OR1I1: variants seen among roughly 807,000 people sequenced by gnomAD.
The protein encoded by OR1I1 is olfactory receptor family 1 subfamily I member 1.
For missense variants in OR1I1, 451 were observed against 443.6 expected (o/e 1.02, Z -0.15); for synonymous variants, 171 against 181.4 (o/e 0.94, Z 0.46).
At chr19:15,085,674 A>G (rs1380882466) in intron 1 of OR1I1, among the ~76,000 whole-genome samples, 1 of 151,942 alleles carries the variant, frequency 6.6e-6, no homozygotes, top group Non-Finnish European at 1.5e-5. Flanking sequence ...TCTTTGATCA[A>G]TATCTCCCTA....
Position 15,087,406 on chromosome 19 carries a change from T to C in OR1I1, c.341T>C (p.Leu114Pro). The C allele has an allele frequency of 2.5e-6, 4 of 1,614,184 alleles. No homozygotes were observed. The highest frequency in any genetic ancestry group is 3.4e-6 in the Non-Finnish European group (4 of 1,180,036). Residue 114 changes from leucine (L) to proline (P), a missense_variant, in exon 2 of 2, where the codon CTC becomes CCC. By Grantham distance (98) the Leu-to-Pro change is moderately conservative (BLOSUM62 -3). Transcript: ENST00000641398. ...CTGTTCGGGACCATGGACAGCTTTC[T>C]CCTGGCAGTAATGGCCATCGACCGC... ...FHLFGTMDSF[L>P]LAVMAIDRFV... is the part of the protein sequence containing the mutation.
In OR1I1 at chr19:15,091,888, T is replaced by A. The variant is rs2046258104; in HGVS notation, c.*3755T>A. Reference sequence around the variant, plus strand: ...TTTAAAAGTTTGAGCATCACTGGGCTAGATGGGGGTCCTGTAGATAACCGG... The same window carrying A: ...TTTAAAAGTTTGAGCATCACTGGGCAAGATGGGGGTCCTGTAGATAACCGG... On this transcript the variant is annotated 3_prime_UTR_variant, in exon 2 of 2. Coordinates refer to ENST00000641398, the MANE Select transcript of OR1I1 (RefSeq NM_001004713.2). The A allele has an allele frequency of 6.9e-6, 1 of 144,862 alleles. No individual in the cohort carries two copies. The highest frequency in any genetic ancestry group is 2.6e-5 in the African/African-American group (1 of 38,604). The allele number at this position is 144,862 out of a possible 1,614,324, so 9.0% of individuals were successfully genotyped here.
chr19:15,090,494 C>A lies in OR1I1; in HGVS notation c.*2361C>A, dbSNP rs1047515211. 1 of 151,990 alleles carries A rather than the reference C, an allele frequency of 6.6e-6. No individual in the cohort carries two copies. The highest frequency in any genetic ancestry group is 2.4e-5 in the African/African-American group (1 of 41,390). 9.4% of individuals were successfully genotyped at this position (151,990 alleles called of 1,614,324 possible). On this transcript the variant is annotated 3_prime_UTR_variant, in exon 2 of 2. Coordinates refer to ENST00000641398, the MANE Select transcript of OR1I1 (RefSeq NM_001004713.2). ...GGATTACAAGCGTGGGCCACTGCAC[C>A]TGGCCCAACACCTTGATCTCGGACT...
chr19:15,084,176 CT>C (rs1371071980), intron 1 of OR1I1, among the ~76,000 whole-genome samples: 47 of 152,204 alleles, frequency 3.1e-4, no homozygotes, highest in Non-Finnish European at 4.4e-5. Context: ...CTGAGTGCCC[CT>C]GGCAGCTCGC....
rs944385810 is a variant in OR1I1, at chr19:15,085,424, G to A, written c.-13-1629G>A. 3.3e-5 allele frequency among the ~76,000 whole-genome samples: 5 copies of A among 151,164 alleles called. No homozygotes were observed. The South Asian group carries it at 6.3e-4, about 19-fold the overall frequency. On this transcript the variant is annotated intron_variant, in intron 1 of 1. Coordinates refer to ENST00000641398, the MANE Select transcript of OR1I1 (RefSeq NM_001004713.2). ...TGACCTCAGGTGATCCCCCTGCCTC[G>A]GCCTCCCAAAGTGCTGGGATTATAA... is the stretch of plus-strand genomic sequence containing the variant.
chr19:15,092,678 GT>G lies in OR1I1; in HGVS notation c.*4549del, dbSNP rs2046262055. The G allele has an allele frequency of 2.6e-5, 4 of 152,210 alleles. No homozygotes were observed. The South Asian group carries it at 6.2e-4, about 24-fold the overall frequency. The allele number at this position is 152,210 out of a possible 1,614,324, so 9.4% of individuals were successfully genotyped here. ...GTCATACCTTGTAGCCTTTGGGTTT[GT>G]TTTCAACCACTTTTAAAATGTTAAA... On this transcript the variant is annotated 3_prime_UTR_variant, in exon 2 of 2. Coordinates refer to ENST00000641398, the MANE Select transcript of OR1I1 (RefSeq NM_001004713.2).
At position 15,091,325 on chromosome 19, in the gene OR1I1, A is replaced by C. The variant is rs1482725383; in HGVS notation, c.*3192A>C. ...CAGATCACAAGGTCAGTAGATCGAG[A>C]CCATCCTGACCAACATGGTGAAACC... On this transcript the variant is annotated 3_prime_UTR_variant, in exon 2 of 2. Transcript: ENST00000641398. 6.6e-6 allele frequency: 1 copy of C among 152,178 alleles called. No homozygotes were observed. The highest frequency in any genetic ancestry group is 1.5e-5 in the Non-Finnish European group (1 of 68,070). 9.4% of individuals were successfully genotyped at this position (152,178 alleles called of 1,614,324 possible). A position where few individuals can be genotyped will look rare whatever the true frequency, so the allele number is the denominator to read the frequency against.
chr19:15,087,672 G>A lies in OR1I1; in HGVS notation c.607G>A (p.Gly203Ser), dbSNP rs143133290. Residue 203 changes from glycine to serine, a missense_variant, in exon 2 of 2, where the codon GGC (glycine) becomes AGC (serine). By Grantham distance (56) the Gly-to-Ser change is moderately conservative. Coordinates refer to ENST00000641398, the MANE Select transcript of OR1I1 (RefSeq NM_001004713.2). ...HTNELVIFAF[G>S]IVVGTSPFSC... ...CAACGAGCTGGTGATCTTTGCTTTTGGCATTGTCGTGGGCACCAGCCCATT... is the reference window on the plus strand; with the variant it reads ...CAACGAGCTGGTGATCTTTGCTTTTAGCATTGTCGTGGGCACCAGCCCATT... The A allele has an allele frequency of 1.9e-5, 31 of 1,614,054 alleles. No individual in the cohort carries two copies. Among genetic ancestry groups the A allele is most frequent in the Non-Finnish European group, 2.5e-5 (29 of 1,180,040 alleles).
At position 15,088,621 on chromosome 19, in the gene OR1I1, A is replaced by C. The variant is rs2046241345; in HGVS notation, c.*488A>C. The C allele has an allele frequency of 6.1e-6, 1 of 164,648 alleles. No individual in the cohort carries two copies. The highest frequency in any genetic ancestry group is 2.4e-5 in the African/African-American group (1 of 41,564). The allele number at this position is 164,648 out of a possible 1,614,324, so 10.2% of individuals were successfully genotyped here. ...CAGTGAGCTATGACTGCACCACTGC[A>C]CTTCAGCAGTTTGGGAAACTGAGCA... On this transcript the variant is annotated 3_prime_UTR_variant, in exon 2 of 2. Coordinates refer to ENST00000641398, the MANE Select transcript of OR1I1 (RefSeq NM_001004713.2).
chr19:15,087,431 C>T lies in OR1I1; in HGVS notation c.366C>T (p.Arg122=). 2 of 1,614,098 alleles carry T rather than the reference C, an allele frequency of 1.2e-6. No homozygotes were observed. The highest frequency in any genetic ancestry group is 8.5e-7 in the Non-Finnish European group (1 of 1,179,942). The change falls in exon 2 of 2, where the codon CGC becomes CGT. Residue 122 remains arginine (R), a synonymous_variant. Transcript: ENST00000641398. ...TCCTGGCAGTAATGGCCATCGACCG[C>T]TTCGTGGCCATTGTCCACCCACAGC... ...SFLLAVMAID[R]FVAIVHPQRY... is the part of the protein sequence containing the mutation.
chr19:15,088,844 G>A lies in OR1I1; in HGVS notation c.*711G>A, dbSNP rs2046244554. 2 of 151,864 alleles carry A rather than the reference G, an allele frequency of 1.3e-5. No homozygotes were observed. Among genetic ancestry groups the A allele is most frequent in the African/African-American group, 4.8e-5 (2 of 41,268 alleles). 9.4% of individuals were successfully genotyped at this position (151,864 alleles called of 1,614,324 possible). On this transcript the variant is annotated 3_prime_UTR_variant, in exon 2 of 2. Transcript: ENST00000641398. Reference sequence around the variant, plus strand: ...AGATATACAGATAGATACATAGATAGATAGGATAGATAGGTAGGTAGGTAG... The same window carrying A: ...AGATATACAGATAGATACATAGATAAATAGGATAGATAGGTAGGTAGGTAG...
rs1159511767 is a variant in OR1I1, at chr19:15,090,675, C to T, written c.*2542C>T. 1 of 152,040 alleles carries T rather than the reference C, an allele frequency of 6.6e-6. No homozygotes were observed. The highest frequency in any genetic ancestry group is 1.5e-5 in the Non-Finnish European group (1 of 68,092). The allele number at this position is 152,040 out of a possible 1,614,324, so 9.4% of individuals were successfully genotyped here. A position where few individuals can be genotyped will look rare whatever the true frequency, so the allele number is the denominator to read the frequency against. ...TGCAATCATAGCTAAAGTGCAACCT[C>T]ACCTCAAACTCCTGGGCTCAAGCAA... On this transcript the variant is annotated 3_prime_UTR_variant, in exon 2 of 2. Transcript: ENST00000641398.
intron 1 of OR1I1, among the ~76,000 whole-genome samples, chr19:15,086,804 A>G (rs2046231659): frequency 6.6e-6 from 1 of 152,090 alleles, no homozygotes; most frequent in African/African-American, 2.4e-5. Flanking sequence ...TTTATAGAGA[A>G]CATCCAAGTT....
chr19:15,083,093 C>T (rs2046215947), intron 1 of OR1I1, among the ~76,000 whole-genome samples: 1 of 152,068 alleles, frequency 6.6e-6, no homozygotes, highest in African/African-American at 2.4e-5. Flanking sequence ...CAGGTGTGTG[C>T]CACCATGTCC....
At chr19:15,084,477 G>A (rs561332863) in intron 1 of OR1I1, among the ~76,000 whole-genome samples, 1 of 152,240 alleles carries the variant, frequency 6.6e-6, no homozygotes, top group Admixed American at 6.5e-5. Context: ...AGAATCTTTT[G>A]AACCCAGGAG....
At chr19:15,084,485 G>A (rs1193853519) in intron 1 of OR1I1, among the ~76,000 whole-genome samples, 1 of 152,164 alleles carries the variant, frequency 6.6e-6, no homozygotes, top group East Asian at 1.9e-4. Flanking sequence ...TTGAACCCAG[G>A]AGGCGGGGGT....
intron 1 of OR1I1, among the ~76,000 whole-genome samples, chr19:15,086,800 G>T (rs1376150966): frequency 6.6e-6 from 1 of 152,122 alleles, no homozygotes; most frequent in East Asian, 1.9e-4. Context: ...AGTGTTTATA[G>T]AGAACATCCA....
intron 1 of OR1I1, among the ~76,000 whole-genome samples, chr19:15,086,341 GGGA>G (rs1395283346): frequency 6.6e-6 from 1 of 151,976 alleles, no homozygotes; most frequent in Non-Finnish European, 1.5e-5. Flanking sequence ...AAAGAAAACA[GGGA>G]GAGAACACAG....
intron 1 of OR1I1, among the ~76,000 whole-genome samples, chr19:15,082,871 A>G (rs1368072859): frequency 1.3e-5 from 2 of 151,986 alleles, no homozygotes; most frequent in Non-Finnish European, 2.9e-5. Flanking sequence ...GTGCAGTGGC[A>G]TTATCATAGC....
Sources: allele counts gnomAD v4.1 joint callset (sites outside exome capture counted in the v4.1 genomes callset), GRCh38; gene constraint gnomAD v4.1.1; transcripts MANE v1.5; gene names NCBI Gene and HGNC (gene_info 2026-07-23, HGNC 2026-07-21).